The following GEMIN8 variants were observed in gnomAD, a reference collection of about 807,000 sequenced individuals.
GEMIN8 encodes the protein gem-associated protein 8.
For synonymous variants in GEMIN8, 80 were observed against 78.5 expected, an observed-to-expected ratio of 1.02 and a Z score of -0.10; for missense variants, 185 against 205.9, an observed-to-expected ratio of 0.90 and a Z score of 0.62.
the GEMIN8 span, among the ~76,000 whole-genome samples, chrX:13,991,498 G>A: frequency 9.0e-6 from 1 of 111,496 alleles, no homozygotes; most frequent in African/African-American, 3.3e-5. Flanking sequence ...TTGAAGCCTC[G>A]TGGACTTTCA....
chrX:13,994,834 A>G, the GEMIN8 span, among the ~76,000 whole-genome samples: 1 of 112,499 alleles, frequency 8.9e-6, no homozygotes, highest in Admixed American at 9.4e-5. Context: ...AAATACTACA[A>G]ACCACACGAT....
intron 1 of GEMIN8, chrX:14,026,967 A>G (rs534181311): frequency 8.9e-6 from 1 of 112,486 alleles, no homozygotes; most frequent in South Asian, 3.7e-4. Flanking sequence ...CTCTGAACCA[A>G]CCAGGTAATT....
At chrX:14,023,634 C>T (rs1371282709) in intron 2 of GEMIN8, among the ~76,000 whole-genome samples, 1 of 112,146 alleles carries the variant, frequency 8.9e-6, no homozygotes, top group Non-Finnish European at 1.9e-5. Context: ...GCCTCGGCCT[C>T]CCAAAGTGCT....
chrX:14,025,978 G>T, intron 2 of GEMIN8, 162 bp downstream of exon 2: 1 of 593,014 alleles, frequency 1.7e-6, no homozygotes, highest in Non-Finnish European at 2.0e-6. Flanking sequence ...GAGCTAATAA[G>T]AATGCCTGGG....
At chrX:14,015,985 C>T (rs895927512) in intron 4 of GEMIN8, among the ~76,000 whole-genome samples, 5 of 90,877 alleles carry the variant, frequency 5.5e-5, no homozygotes, top group East Asian at 5.9e-4. Flanking sequence ...CATTCATTAC[C>T]GCTTGAAGAA....
chrX:14,006,156 G>A (rs1447511367), downstream of GEMIN8, among the ~76,000 whole-genome samples: 1 of 109,613 alleles, frequency 9.1e-6, no homozygotes, highest in Non-Finnish European at 1.9e-5. Flanking sequence ...AGCCTCCCGA[G>A]TAGCTGGGAC....
chrX:14,001,087 T>C, the GEMIN8 span, among the ~76,000 whole-genome samples: 932 of 111,952 alleles, frequency 8.3e-3, 5 homozygotes, highest in Non-Finnish European at 0.012. Flanking sequence ...ATTTGAAAAA[T>C]TTACTACGAA....
rs148442974 is a variant in GEMIN8, at chrX:14,009,942, C to T, written c.473-773G>A. Among the ~76,000 whole-genome samples the T allele has an allele frequency of 7.3e-3, 815 of 111,972 alleles. 8 individuals carry two copies. Among genetic ancestry groups the T allele is most frequent in the African/African-American group, 0.025 (778 of 30,798 alleles). On this transcript the variant is annotated intron_variant, in intron 4 of 4. Transcript: ENST00000680255. ...ATGATTGATTATCCTTCCACAGATT[C>T]GAAATGCAAATCATACCAAGCAAGG...
rs1924682801 is a variant in GEMIN8 at position 14,026,200 on chromosome X, T to G, written c.-94A>C. Reference sequence around the variant, plus strand: ...AGCCTTCAGGGACTGAACAGTAACTTTTCTCCAATGGGCTGGTGGAGCTGA... The same window carrying G: ...AGCCTTCAGGGACTGAACAGTAACTGTTCTCCAATGGGCTGGTGGAGCTGA... On this transcript the variant is annotated 5_prime_UTR_variant, in exon 2 of 5. Transcript: ENST00000680255. 1 of 750,171 alleles carries G rather than the reference T, an allele frequency of 1.3e-6. No homozygotes were observed. The allele number at this position is 750,171 out of a possible 1,213,427, so 61.8% of individuals were successfully genotyped here.
At chrX:14,021,848 T>C (rs1396035358) in intron 2 of GEMIN8, among the ~76,000 whole-genome samples, 1 of 93,471 alleles carries the variant, frequency 1.1e-5, no homozygotes, top group African/African-American at 4.1e-5. Context: ...ATATATAGTA[T>C]ATATATACTG....
chrX:14,005,407 T>C (rs1923110931), downstream of GEMIN8, among the ~76,000 whole-genome samples: 1 of 111,925 alleles, frequency 8.9e-6, no homozygotes, highest in African/African-American at 3.3e-5. Flanking sequence ...GAACTGGGTT[T>C]GGAGAGCCTC....
chrX:14,012,222 A>T (rs1308563205), intron 4 of GEMIN8, among the ~76,000 whole-genome samples: 1 of 105,018 alleles, frequency 9.5e-6, no homozygotes, highest in African/African-American at 3.5e-5. Context: ...GGCTCAAGCG[A>T]TCCTCCCACC....
intron 1 of GEMIN8, among the ~76,000 whole-genome samples, chrX:14,028,038 G>A (rs1375154229): frequency 8.9e-6 from 1 of 112,066 alleles, no homozygotes; most frequent in Non-Finnish European, 1.9e-5. Context: ...AGTTAAGATC[G>A]CTAGTACATT....
the GEMIN8 span, chrX:13,988,567 C>T: frequency 9.3e-6 from 1 of 107,288 alleles, no homozygotes; most frequent in Admixed American, 1.0e-4. Flanking sequence ...GAAGCTTGCC[C>T]TTGTATCCCC....
At chrX:14,027,537 T>C (rs1201722817) in intron 1 of GEMIN8, among the ~76,000 whole-genome samples, 1 of 112,801 alleles carries the variant, frequency 8.9e-6, no homozygotes, top group Non-Finnish European at 1.9e-5. Context: ...CTGAGTTTTA[T>C]TTTCTTTTCA....
chrX:13,986,325 A>C, the GEMIN8 span, among the ~76,000 whole-genome samples: 3 of 112,399 alleles, frequency 2.7e-5, no homozygotes, highest in African/African-American at 9.7e-5. Flanking sequence ...TGTGTATCAG[A>C]AAGGATTAGC....
chrX:14,022,121 A>G (rs1436468231), intron 2 of GEMIN8, among the ~76,000 whole-genome samples: 1 of 105,271 alleles, frequency 9.5e-6, no homozygotes, highest in Non-Finnish European at 1.9e-5. Context: ...AAAAATTTAT[A>G]GTTATTACTT....
At chrX:14,021,970 ATATG>A (rs1487894437) in intron 2 of GEMIN8, among the ~76,000 whole-genome samples, 2 of 100,278 alleles carry the variant, frequency 2.0e-5, no homozygotes, top group African/African-American at 7.3e-5. Context: ...ATACACATAT[ATATG>A]TGTGTATATA....
chrX:14,015,174 G>A (rs1207714216), intron 4 of GEMIN8, among the ~76,000 whole-genome samples: 2 of 111,447 alleles, frequency 1.8e-5, no homozygotes, highest in Non-Finnish European at 3.8e-5. Flanking sequence ...TTGTTTCAGA[G>A]GGCCTTACTC....
Sources: allele counts gnomAD v4.1 joint callset (sites outside exome capture counted in the v4.1 genomes callset), GRCh38; gene constraint gnomAD v4.1.1; transcripts MANE v1.5; gene names NCBI Gene and HGNC (gene_info 2026-07-23, HGNC 2026-07-21).